Variants in CSPP1 observed in about 807,000 individuals in gnomAD.
CSPP1 encodes the protein centrosome and spindle pole associated protein 1, also known as centrosome and spindle pole-associated protein 1.
Under a neutral mutation model 164.4 loss-of-function variants are expected in CSPP1, and 126 were observed. The observed-to-expected ratio is 0.77, with a 90% CI of 0.66 to 0.89. The LOEUF (loss-of-function observed/expected upper bound fraction) is 0.89, where lower values mean the gene tolerates loss of function less well. Ranked by LOEUF, CSPP1 falls within the 40% of genes least tolerant of loss-of-function variation. The pLI is 0.00. For missense variants in CSPP1, 1,395 were observed against 1,449.8 expected (o/e 0.96, Z 0.61); for synonymous variants, 472 against 476.7 (o/e 0.99, Z 0.13).
Position 67,072,300 on chromosome 8 carries a change from G to T in CSPP1, c.-10-1943G>T, listed in dbSNP as rs986760681. 8.0e-5 allele frequency among the ~76,000 whole-genome samples: 12 copies of T among 150,222 alleles called. No homozygotes were observed. The South Asian group carries it at 2.3e-3, about 29-fold the overall frequency. ...AAGACTCTGTCTCAAAAAAAAAAAA[G>T]ATTTTTTTTAGATAGGACACAAAAA... On this transcript the variant is annotated intron_variant, in intron 1 of 30. Coordinates refer to ENST00000678616, the MANE Select transcript of CSPP1 (RefSeq NM_001382391.1).
At chr8:67,128,654 T>C (rs1820605805) in intron 15 of CSPP1, among the ~76,000 whole-genome samples, 1 of 152,170 alleles carries the variant, frequency 6.6e-6, no homozygotes, top group South Asian at 2.1e-4. Context: ...ATCTTGATAC[T>C]TAAACCTAAT....
chr8:67,085,565 G>A lies in CSPP1; in HGVS notation c.200-442G>A, dbSNP rs530371012. On this transcript the variant is annotated intron_variant, in intron 3 of 30. Transcript: ENST00000678616. The stretch of plus-strand genomic sequence containing the variant: ...AGAAATTAGTGTATAATTAAGTGAA[G>A]ATGTAAAGATAATTAGTTTTTCTTT... Among the ~76,000 whole-genome samples, 29 of 152,178 alleles carry A rather than the reference G, an allele frequency of 1.9e-4. No individual in the cohort carries two copies. The South Asian group carries it at 5.6e-3, about 29-fold the overall frequency.
chr8:67,088,748 T>A (rs1054781018), intron 4 of CSPP1, among the ~76,000 whole-genome samples: 4 of 151,402 alleles, frequency 2.6e-5, no homozygotes, highest in Non-Finnish European at 5.9e-5. Context: ...TACAAAAAAA[T>A]TAGCCTGGCG....
intron 15 of CSPP1, among the ~76,000 whole-genome samples, chr8:67,120,148 T>C (rs1321744022): frequency 1.3e-5 from 2 of 152,216 alleles, no homozygotes; most frequent in Admixed American, 1.3e-4. Context: ...TTGAGAGATA[T>C]TGGCATTCTT....
intron 19 of CSPP1, among the ~76,000 whole-genome samples, chr8:67,157,354 G>A (rs1296245905): frequency 2.0e-5 from 3 of 151,756 alleles, no homozygotes; most frequent in East Asian, 3.9e-4. Flanking sequence ...GGAGTGCAGT[G>A]GTGCAATCTC....
chr8:67,159,919 T>TCTTTCTTTC (rs1563712547), intron 21 of CSPP1, among the ~76,000 whole-genome samples: 38 of 59,352 alleles, frequency 6.4e-4, no homozygotes, highest in Middle Eastern at 9.4e-3. Flanking sequence ...TTTCTTTCTT[T>TCTTTCTTTC]CTTTCCTTTC....
intron 16 of CSPP1, 145 bp downstream of exon 16, chr8:67,132,225 C>T (rs1406073891): frequency 4.9e-6 from 4 of 812,434 alleles, no homozygotes; most frequent in Admixed American, 6.0e-5. Context: ...TACAGTAAAA[C>T]GCTGTTGGAA....
rs77573514 is a variant in CSPP1, at chr8:67,108,846, T to C, written c.1093+2871T>C. Among the ~76,000 whole-genome samples the C allele has an allele frequency of 3.9e-3, 601 of 152,330 alleles. 4 individuals carry two copies. The highest frequency in any genetic ancestry group is 6.0e-3 in the South Asian group (29 of 4,828). The stretch of plus-strand genomic sequence containing the variant: ...TCCCCTAACAGTAACAAGCCTTTGC[T>C]ATATAAGAGTGTGGGATACTGGGTC... On this transcript the variant is annotated intron_variant, in intron 9 of 30. Coordinates refer to ENST00000678616, the MANE Select transcript of CSPP1 (RefSeq NM_001382391.1).
chr8:67,130,190 T>C (rs1323141692), intron 15 of CSPP1, among the ~76,000 whole-genome samples: 1 of 152,232 alleles, frequency 6.6e-6, no homozygotes, highest in Non-Finnish European at 1.5e-5. Context: ...ATCCCTCAGA[T>C]ATACCACGGG....
At chr8:67,146,122 CTT>C (rs939978795) in intron 17 of CSPP1, among the ~76,000 whole-genome samples, 21 of 125,100 alleles carry the variant, frequency 1.7e-4, no homozygotes, top group Middle Eastern at 4.0e-3. Flanking sequence ...ATATACTTTT[CTT>C]TTTTTTTTTT....
At chr8:67,147,560 C>T (rs1188647459) in intron 17 of CSPP1, among the ~76,000 whole-genome samples, 1 of 152,128 alleles carries the variant, frequency 6.6e-6, no homozygotes, top group Non-Finnish European at 1.5e-5. Flanking sequence ...CCCCGCGCCC[C>T]ACCACCCCAT....
At position 67,176,159 on chromosome 8, in the gene CSPP1, C is replaced by T. The variant is rs555591020; in HGVS notation, c.3109+723C>T. On this transcript the variant is annotated intron_variant, in intron 26 of 30. Coordinates refer to ENST00000678616, the MANE Select transcript of CSPP1 (RefSeq NM_001382391.1). ...AGCACTGATGGGCCCTGACGATAGC[C>T]AGGTGTACTGCATGGCCTTCCCATC... Among the ~76,000 whole-genome samples the T allele has an allele frequency of 2.0e-4, 31 of 152,196 alleles. 1 individual carries two copies. The highest frequency in any genetic ancestry group is 7.0e-4 in the African/African-American group (29 of 41,510).
intron 17 of CSPP1, among the ~76,000 whole-genome samples, chr8:67,144,295 C>T (rs555082225): frequency 6.6e-6 from 1 of 152,166 alleles, no homozygotes; most frequent in South Asian, 2.1e-4. Context: ...GTCTTTTATA[C>T]GTGTTGTAGA....
chr8:67,192,078 G>GT (rs71249424), intron 29 of CSPP1, among the ~76,000 whole-genome samples: 19,324 of 127,542 alleles, frequency 0.15, 1,617 homozygotes, highest in East Asian at 0.36. Flanking sequence ...TTTTTTTTTT[G>GT]TTTTTTTTTT....
intron 12 of CSPP1, chr8:67,114,588 C>G (rs577384667): frequency 1.3e-4 from 20 of 152,322 alleles, no homozygotes; most frequent in African/African-American, 4.8e-4. Context: ...TGTGGGTTAT[C>G]TATTTGGAAA....
chr8:67,195,539 TC>T lies in CSPP1; in HGVS notation c.3629del (p.Pro1210LeufsTer26), dbSNP rs759243151. 6.2e-7 allele frequency: 1 copy of T among 1,614,218 alleles called. No individual in the cohort carries two copies. The highest frequency in any genetic ancestry group is 8.5e-7 in the Non-Finnish European group (1 of 1,180,038). On this transcript the variant is annotated frameshift_variant, in exon 31 of 31. Coordinates refer to ENST00000678616, the MANE Select transcript of CSPP1 (RefSeq NM_001382391.1). LOFTEE classifies it high-confidence loss of function. ...EQLNQEQQQI[P>X]GKPGTFTWQG... Reference sequence around the variant, plus strand: ...AGCTGAACCAGGAGCAGCAGCAGATTCCTGGAAAACCAGGCACTTTCACTTG... The same window carrying T: ...AGCTGAACCAGGAGCAGCAGCAGATTCTGGAAAACCAGGCACTTTCACTTG...
intron 28 of CSPP1, among the ~76,000 whole-genome samples, chr8:67,185,036 C>T (rs1344765468): frequency 1.4e-4 from 20 of 146,868 alleles, no homozygotes; most frequent in Admixed American, 2.7e-4. Context: ...ACCCGGGAGG[C>T]GGAGCTTGCA....
At chr8:67,193,701 G>A (rs1415302359) in intron 30 of CSPP1, 99 bp downstream of exon 30, 4 of 1,063,358 alleles carry the variant, frequency 3.8e-6, no homozygotes, top group East Asian at 2.5e-5. Flanking sequence ...TAGATGGAAT[G>A]AGTTTGAAGA....
At chr8:67,149,467 A>G (rs1327406418) in intron 17 of CSPP1, among the ~76,000 whole-genome samples, 3 of 152,134 alleles carry the variant, frequency 2.0e-5, no homozygotes, top group African/African-American at 4.8e-5. Flanking sequence ...AATTGTTGCT[A>G]TATTTTTTCT....
Sources: gnomAD v4.1 joint callset for allele counts (sites outside exome capture counted in the v4.1 genomes callset) on GRCh38, gnomAD v4.1.1 for gene constraint, MANE v1.5 for transcripts, NCBI Gene and HGNC (gene_info 2026-07-23, HGNC 2026-07-21) for gene names.